The following SATL1 variants were observed in gnomAD, a reference collection of about 807,000 sequenced individuals.
SATL1 encodes spermidine/spermine N(1)-acetyltransferase-like protein 1.
In SATL1, 47 loss-of-function variants were observed where a neutral mutation model predicts 51.8. The ratio of observed to expected loss-of-function variants is 0.91; its 90% CI spans 0.72 to 1.16. The LOEUF (loss-of-function observed/expected upper bound fraction) is 1.16. Ranked by LOEUF, SATL1 falls within the 50% of genes most tolerant of loss-of-function variation. The probability of loss-of-function intolerance (pLI) is 0.00; values close to 1 mark genes in which losing one functional copy is unlikely to be tolerated. For synonymous variants in SATL1, 176 were observed against 182.4 expected (o/e 0.97, Z 0.28); for missense variants, 520 against 526.4 (o/e 0.99, Z 0.12).
chrX:85,093,847 G>C (rs894705763), intron 6 of SATL1, among the ~76,000 whole-genome samples: 3 of 112,000 alleles, frequency 2.7e-5, no homozygotes, highest in Admixed American at 9.5e-5. Flanking sequence ...CTGGGTGACA[G>C]AAAACCCTGT....
At chrX:85,141,017 C>T (rs890858046) in intron 2 of SATL1, among the ~76,000 whole-genome samples, 4 of 111,628 alleles carry the variant, frequency 3.6e-5, no homozygotes, top group African/African-American at 6.5e-5. Context: ...CCCATCTTTC[C>T]GCTCTGGAAC....
chrX:85,173,724 T>C, intron 2 of SATL1, among the ~76,000 whole-genome samples: 1 of 109,491 alleles, frequency 9.1e-6, no homozygotes, highest in Non-Finnish European at 1.9e-5. Context: ...GCATTTGATC[T>C]ATATGTCCTA....
chrX:85,108,081 C>T lies in SATL1; in HGVS notation c.888G>A (p.Met296Ile). ...MNQVDMKQPSMSQAGMRQSGT... is the reference protein window; with the variant it reads ...MNQVDMKQPSISQAGMRQSGT... ...CTGATTGCCTCATGCCAGCTTGGCT[C>T]ATGCTTGGTTGTTTCATGTCCACTT... is the stretch of plus-strand genomic sequence containing the variant. The change falls in exon 3 of 8, where the codon ATG becomes ATA. Residue 296 changes from methionine (M) to isoleucine (I), a missense_variant. Physicochemically the swap from Met to Ile is conservative, Grantham distance 10 (BLOSUM62 1). Transcript: ENST00000644105. 1 of 1,211,600 alleles carries T rather than the reference C, an allele frequency of 8.3e-7. No individual in the cohort carries two copies. Among genetic ancestry groups the T allele is most frequent in the Non-Finnish European group, 1.1e-6 (1 of 895,518 alleles).
chrX:85,217,002 G>C (rs1338814379), intron 2 of SATL1, among the ~76,000 whole-genome samples: 1 of 111,862 alleles, frequency 8.9e-6, no homozygotes, highest in African/African-American at 3.3e-5. Flanking sequence ...ACTAATTGAG[G>C]AATGTAACTT....
chrX:85,212,599 C>T (rs1393425665), intron 2 of SATL1: 2 of 111,482 alleles, frequency 1.8e-5, no homozygotes, highest in Admixed American at 9.5e-5. Context: ...TCATAACATT[C>T]GATTTCATAA....
intron 2 of SATL1, among the ~76,000 whole-genome samples, chrX:85,200,806 A>T (rs897856287): frequency 3.6e-5 from 4 of 111,046 alleles, no homozygotes; most frequent in African/African-American, 1.3e-4. Context: ...CACAGGCATA[A>T]CATATCCAGG....
intron 2 of SATL1, chrX:85,153,689 T>C (rs771074120): frequency 8.9e-6 from 1 of 111,978 alleles, no homozygotes; most frequent in Admixed American, 9.5e-5. Context: ...TTTTTCCTAA[T>C]ATGTGAGCTT....
intron 2 of SATL1, among the ~76,000 whole-genome samples, chrX:85,221,297 T>C (rs1410953250): frequency 8.9e-6 from 1 of 111,993 alleles, no homozygotes; most frequent in Non-Finnish European, 1.9e-5. Flanking sequence ...CTTACTATGA[T>C]GTAAGCACAC....
intron 2 of SATL1, chrX:85,219,027 C>T (rs1284918397): frequency 2.7e-5 from 3 of 111,680 alleles, no homozygotes; most frequent in South Asian, 7.4e-4. Flanking sequence ...TAATTACATT[C>T]GATATTTTTC....
chrX:85,118,925 C>A (rs948811484), intron 2 of SATL1, among the ~76,000 whole-genome samples: 2 of 111,159 alleles, frequency 1.8e-5, no homozygotes, highest in African/African-American at 3.3e-5. Context: ...TATAAGCAAA[C>A]AAATATTGGC....
At chrX:85,170,709 A>C (rs755305457) in intron 2 of SATL1, among the ~76,000 whole-genome samples, 1 of 111,895 alleles carries the variant, frequency 8.9e-6, no homozygotes, top group African/African-American at 3.2e-5. Flanking sequence ...TAAGTCAAAC[A>C]TTGATTTGGA....
chrX:85,157,014 C>T (rs1039055559), intron 2 of SATL1, among the ~76,000 whole-genome samples: 9 of 106,840 alleles, frequency 8.4e-5, no homozygotes, highest in Non-Finnish European at 1.5e-4. Flanking sequence ...TCATATTAGG[C>T]CACAAGTATC....
chrX:85,213,190 C>T (rs1283538658), intron 2 of SATL1, among the ~76,000 whole-genome samples: 1 of 110,871 alleles, frequency 9.0e-6, no homozygotes, highest in Non-Finnish European at 1.9e-5. Context: ...ACTGGTTAAC[C>T]CAGAGATGAG....
chrX:85,115,589 AAT>A (rs1925366745), intron 2 of SATL1, among the ~76,000 whole-genome samples: 1 of 112,093 alleles, frequency 8.9e-6, no homozygotes, highest in Non-Finnish European at 1.9e-5. Context: ...TGGGTGCAAA[AAT>A]AACAGGGAAT....
intron 2 of SATL1, among the ~76,000 whole-genome samples, chrX:85,154,613 C>T (rs1926542186): frequency 8.9e-6 from 1 of 112,166 alleles, no homozygotes; most frequent in African/African-American, 3.2e-5. Flanking sequence ...GATCAAATAA[C>T]TTAGCCAAGG....
rs1407121798 is a variant in SATL1 at position 85,132,039 on chromosome X, C to T, written c.-312-22759G>A. Among the ~76,000 whole-genome samples, 6 of 110,836 alleles carry T rather than the reference C, an allele frequency of 5.4e-5. No individual in the cohort carries two copies. In the East Asian group the frequency reaches 1.1e-3, roughly 21 times the overall value. ...ATCTGCTGTTAGTCTGATAGGCTTCCCTTTGTGGGTAACCTGACTTTTCTC... is the reference window on the plus strand; with the variant it reads ...ATCTGCTGTTAGTCTGATAGGCTTCTCTTTGTGGGTAACCTGACTTTTCTC... On this transcript the variant is annotated intron_variant, in intron 2 of 7. Coordinates refer to ENST00000644105, the MANE Select transcript of SATL1 (RefSeq NM_001367857.2).
chrX:85,243,291 C>T (rs993181887), intron 1 of SATL1, among the ~76,000 whole-genome samples: 1 of 112,567 alleles, frequency 8.9e-6, no homozygotes, highest in Non-Finnish European at 1.9e-5. Context: ...TTTGCTTACG[C>T]AATCTAGTCC....
At chrX:85,148,065 A>G (rs1342787484) in intron 2 of SATL1, among the ~76,000 whole-genome samples, 1 of 111,498 alleles carries the variant, frequency 9.0e-6, no homozygotes, top group Non-Finnish European at 1.9e-5. Flanking sequence ...CAAAGAAGTT[A>G]AAAACTTTGA....
At chrX:85,227,247 C>A (rs1278927130) in intron 1 of SATL1, among the ~76,000 whole-genome samples, 1 of 111,547 alleles carries the variant, frequency 9.0e-6, no homozygotes, top group Admixed American at 9.6e-5. Context: ...CCTTCTCTTC[C>A]TAAAATCTCT....
Sources: gnomAD v4.1 joint callset for allele counts (sites outside exome capture counted in the v4.1 genomes callset) on GRCh38, gnomAD v4.1.1 for gene constraint, MANE v1.5 for transcripts, NCBI Gene and HGNC (gene_info 2026-07-23, HGNC 2026-07-21) for gene names.